Variants in ANKS1B observed in about 807,000 individuals in gnomAD.
ANKS1B encodes ankyrin repeat and sterile alpha motif domain containing 1B.
In ANKS1B, 36 loss-of-function variants were observed where a neutral mutation model predicts 148.3. That is an observed-to-expected ratio of 0.24 (90% CI 0.19 to 0.32). ANKS1B has a LOEUF of 0.32. Among genes scored for constraint, ANKS1B ranks in the 10% least tolerant of loss-of-function variants. The pLI is 1.00. For synonymous variants in ANKS1B, 542 were observed against 560.8 expected, an observed-to-expected ratio of 0.97 and a Z score of 0.47; for missense variants, 1,157 against 1,542.6, an observed-to-expected ratio of 0.75 and a Z score of 4.19.
intron 17 of ANKS1B, among the ~76,000 whole-genome samples, chr12:98,909,418 C>T (rs1233226211): frequency 1.3e-5 from 2 of 152,200 alleles, no homozygotes; most frequent in East Asian, 1.9e-4. Context: ...AAGAAACTTG[C>T]CTGGCGTCAC....
At chr12:99,648,890 T>A in intron 9 of ANKS1B, 1 of 1,433,260 alleles carries the variant, frequency 7.0e-7, no homozygotes, top group Non-Finnish European at 9.3e-7. Context: ...GGGAAATGCA[T>A]TGCATTTGGA....
chr12:99,489,366 A>G (rs1176153414), intron 10 of ANKS1B, among the ~76,000 whole-genome samples: 2 of 152,208 alleles, frequency 1.3e-5, no homozygotes, highest in Non-Finnish European at 1.5e-5. Flanking sequence ...TGCAATAAGT[A>G]TGATACGGGG....
intron 9 of ANKS1B, among the ~76,000 whole-genome samples, chr12:99,632,484 C>G (rs940801280): frequency 6.6e-6 from 1 of 151,704 alleles, no homozygotes; most frequent in Non-Finnish European, 1.5e-5. Flanking sequence ...CAGAACTATA[C>G]AGCTGCCAGC....
chr12:98,805,947 T>C (rs988744436), intron 20 of ANKS1B, among the ~76,000 whole-genome samples: 1 of 152,190 alleles, frequency 6.6e-6, no homozygotes, highest in African/African-American at 2.4e-5. Flanking sequence ...TCTCGGTTCA[T>C]TGCAACCTCC....
At chr12:99,290,366 C>T (rs375250248) in intron 12 of ANKS1B, among the ~76,000 whole-genome samples, 1 of 150,904 alleles carries the variant, frequency 6.6e-6, no homozygotes, top group African/African-American at 2.4e-5. Context: ...TAATACCAAT[C>T]CTACTCAAAC....
chr12:98,776,801 T>C lies in ANKS1B; in HGVS notation c.3442-3622A>G, dbSNP rs190698017. ...ACAGTATAGACCTAGAGCTAACTGG[T>C]GATGCCCTGTGGGGCACGTGATGCT... On this transcript the variant is annotated intron_variant, in intron 24 of 26. Transcript: ENST00000683438. Among the ~76,000 whole-genome samples, 393 of 152,326 alleles carry C rather than the reference T, an allele frequency of 2.6e-3. 7 individuals are homozygous for C. The highest frequency in any genetic ancestry group is 0.024 in the Admixed American group (369 of 15,292).
intron 14 of ANKS1B, among the ~76,000 whole-genome samples, chr12:99,219,262 G>A (rs577723941): frequency 6.6e-6 from 1 of 152,212 alleles, no homozygotes; most frequent in East Asian, 1.9e-4. Flanking sequence ...TTAGGTCTCT[G>A]GCCCTTTGAC....
chr12:99,043,331 T>C (rs2099960289), intron 17 of ANKS1B, among the ~76,000 whole-genome samples: 1 of 152,252 alleles, frequency 6.6e-6, no homozygotes, highest in Non-Finnish European at 1.5e-5. Context: ...TATTTGAATG[T>C]AGTGTTTGCC....
chr12:99,723,500 C>G (rs749642970), intron 8 of ANKS1B, among the ~76,000 whole-genome samples: 1 of 152,126 alleles, frequency 6.6e-6, no homozygotes, highest in Non-Finnish European at 1.5e-5. Context: ...TCTCCCTGGC[C>G]GGAGCCACTA....
intron 15 of ANKS1B, among the ~76,000 whole-genome samples, chr12:99,126,166 T>C (rs2064276071): frequency 6.6e-6 from 1 of 152,304 alleles, no homozygotes; most frequent in South Asian, 2.1e-4. Flanking sequence ...AAAAACATTA[T>C]GAATAGTTTT....
intron 8 of ANKS1B, among the ~76,000 whole-genome samples, chr12:99,675,557 A>C (rs1474796835): frequency 6.6e-6 from 1 of 151,800 alleles, no homozygotes; most frequent in Non-Finnish European, 1.5e-5. Context: ...TAAATTTTTT[A>C]ATACTTTTCT....
intron 9 of ANKS1B, among the ~76,000 whole-genome samples, chr12:99,521,232 T>G (rs761515784): frequency 2.6e-5 from 4 of 152,244 alleles, no homozygotes; most frequent in Non-Finnish European, 5.9e-5. Flanking sequence ...TACTTGATTC[T>G]TTTTAATTAT....
Position 98,894,973 on chromosome 12 carries a change from C to G in ANKS1B, c.2779-62837G>C. 4 of 824,064 alleles carry G rather than the reference C, an allele frequency of 4.9e-6. No homozygotes were observed. The South Asian group carries it at 2.2e-4, about 45-fold the overall frequency. 51.0% of individuals were successfully genotyped at this position (824,064 alleles called of 1,614,324 possible). On this transcript the variant is annotated intron_variant, in intron 17 of 26. Transcript: ENST00000683438. ...CGCACCCGCCCGGCTCCACGCGGCG[C>G]GCGCCTGCCCTGGCGGCAGCGGCGG... is the stretch of plus-strand genomic sequence containing the variant.
chr12:99,274,055 G>C (rs1386830783), intron 12 of ANKS1B, among the ~76,000 whole-genome samples: 2 of 152,102 alleles, frequency 1.3e-5, no homozygotes, highest in Non-Finnish European at 2.9e-5. Context: ...GGAGACTCAA[G>C]GCATGCCCTT....
intron 4 of ANKS1B, among the ~76,000 whole-genome samples, chr12:99,805,449 C>T (rs1002205397): frequency 1.3e-5 from 2 of 151,594 alleles, no homozygotes; most frequent in African/African-American, 4.8e-5. Context: ...CAGAGCAAGA[C>T]CTCATCTCTA....
rs560632928 is a variant in ANKS1B, at chr12:99,403,896, C to T, written c.1576-4085G>A. ...CACATATGTTCACTGCAGCACTATT[C>T]ACAACGGCAAAGACATGGAATCAAT... is the stretch of plus-strand genomic sequence containing the variant. On this transcript the variant is annotated intron_variant, in intron 11 of 26. Coordinates refer to ENST00000683438, the MANE Select transcript of ANKS1B (RefSeq NM_001352186.2). 4.2e-4 allele frequency among the ~76,000 whole-genome samples: 61 copies of T among 146,294 alleles called. 8 individuals are homozygous for T. The highest frequency in any genetic ancestry group is 1.4e-3 in the African/African-American group (55 of 38,576).
intron 20 of ANKS1B, among the ~76,000 whole-genome samples, chr12:98,804,163 A>ACCC: frequency 6.6e-6 from 1 of 152,236 alleles, no homozygotes; most frequent in Non-Finnish European, 1.5e-5. Context: ...GGAGATAATT[A>ACCC]CAAGGAAAAG....
At chr12:99,319,835 G>A (rs866626596) in intron 12 of ANKS1B, among the ~76,000 whole-genome samples, 2 of 152,306 alleles carry the variant, frequency 1.3e-5, no homozygotes, top group South Asian at 2.1e-4. Flanking sequence ...GGTACCGGTT[G>A]TTCCTTTCCA....
rs146770378 is a variant in ANKS1B at position 99,565,517 on chromosome 12, A to T, written c.1273-60876T>A. 1.9e-3 allele frequency among the ~76,000 whole-genome samples: 289 copies of T among 152,332 alleles called. 1 individual carries two copies. Among genetic ancestry groups the T allele is most frequent in the African/African-American group, 6.7e-3 (280 of 41,578 alleles). ...CTGTTTCAAAGGAGTTCTGAAATCC[A>T]GGGAGTAAATGGGAGTTTCTTGATT... On this transcript the variant is annotated intron_variant, in intron 9 of 26. Transcript: ENST00000683438.
Sources: allele counts gnomAD v4.1 joint callset (sites outside exome capture counted in the v4.1 genomes callset), GRCh38; gene constraint gnomAD v4.1.1; transcripts MANE v1.5; gene names NCBI Gene and HGNC (gene_info 2026-07-23, HGNC 2026-07-21).